Variants in ZGRF1 observed in about 807,000 individuals in gnomAD.
ZGRF1 encodes zinc finger GRF-type containing 1.
In ZGRF1, 196 loss-of-function variants were observed where a neutral mutation model predicts 203.5. That is an observed-to-expected ratio of 0.96 (90% CI 0.86 to 1.08). ZGRF1 has a LOEUF of 1.08. Among genes scored for constraint, ZGRF1 ranks in the 50% least tolerant of loss-of-function variants. The pLI, the probability that ZGRF1 is intolerant of heterozygous loss-of-function variation, is 0.00. For missense variants in ZGRF1, 2,326 were observed against 2,416.3 expected, an observed-to-expected ratio of 0.96 and a Z score of 0.78; for synonymous variants, 809 against 841.3, an observed-to-expected ratio of 0.96 and a Z score of 0.66.
intron 22 of ZGRF1, among the ~76,000 whole-genome samples, chr4:112,551,237 T>C (rs1739895518): frequency 6.6e-6 from 1 of 152,238 alleles, no homozygotes; most frequent in Non-Finnish European, 1.5e-5. Flanking sequence ...CAATAGGCTA[T>C]ACTATGTAGC....
At chr4:112,591,929 A>T (rs1356420840) in intron 10 of ZGRF1, among the ~76,000 whole-genome samples, 1 of 152,142 alleles carries the variant, frequency 6.6e-6, no homozygotes, top group Non-Finnish European at 1.5e-5. Context: ...TATGAGGGAA[A>T]GATCATGCCT....
intron 10 of ZGRF1, among the ~76,000 whole-genome samples, chr4:112,601,719 A>C (rs1009474834): frequency 6.6e-6 from 1 of 151,726 alleles, no homozygotes; most frequent in East Asian, 2.0e-4. Flanking sequence ...CCTGGGTGAC[A>C]GAGTTAAGAC....
intron 18 of ZGRF1, among the ~76,000 whole-genome samples, chr4:112,561,911 CT>C (rs11385405): frequency 4.8e-4 from 52 of 108,172 alleles, no homozygotes; most frequent in African/African-American, 1.0e-3. Context: ...TTCCTTTTCT[CT>C]TTTTTTTTTT....
chr4:112,575,029 A>G (rs77880532), intron 16 of ZGRF1, among the ~76,000 whole-genome samples: 1 of 147,762 alleles, frequency 6.8e-6, no homozygotes. Context: ...CTGTCTCAGG[A>G]AAAAAAAAAA....
intron 19 of ZGRF1, among the ~76,000 whole-genome samples, chr4:112,558,547 T>C (rs947468242): frequency 1.3e-5 from 2 of 152,098 alleles, no homozygotes; most frequent in Non-Finnish European, 2.9e-5. Context: ...TTTGTATTTT[T>C]AGTAGAGCCA....
chr4:112,576,411 G>C (rs1745230467), intron 16 of ZGRF1, among the ~76,000 whole-genome samples: 1 of 152,162 alleles, frequency 6.6e-6, no homozygotes, highest in South Asian at 2.1e-4. Context: ...ACCAGCAACA[G>C]AACAAAGCTG....
chr4:112,583,814 A>T lies in ZGRF1; in HGVS notation c.4298+164T>A, dbSNP rs188449336. Among the ~76,000 whole-genome samples, 293 of 145,858 alleles carry T rather than the reference A, an allele frequency of 2.0e-3. 1 individual carries two copies. The highest frequency in any genetic ancestry group is 6.8e-3 in the African/African-American group (271 of 40,118). Reference sequence around the variant, plus strand: ...AGCAAGAGCTTGTAACTATATAATTAAAAAAAAAAAGACTTATTCCCATTT... The same window carrying T: ...AGCAAGAGCTTGTAACTATATAATTTAAAAAAAAAAGACTTATTCCCATTT... On this transcript the variant is annotated intron_variant, in intron 15 of 27. Coordinates refer to ENST00000505019, the MANE Select transcript of ZGRF1 (RefSeq NM_018392.5).
At chr4:112,632,035 A>G (rs1393592882) in intron 2 of ZGRF1, 25 bp from the exon 3 acceptor site, 1 of 1,192,230 alleles carries the variant, frequency 8.4e-7, no homozygotes. Flanking sequence ...TACAAAAGAA[A>G]TGGTTTCCAT....
At chr4:112,586,343 G>A in intron 13 of ZGRF1, 102 bp downstream of exon 13, 1 of 803,134 alleles carries the variant, frequency 1.2e-6, no homozygotes, top group Non-Finnish European at 1.8e-6. Flanking sequence ...GAAAAATAAG[G>A]TATTTAGTAT....
chr4:112,603,066 T>TA (rs997520031), intron 10 of ZGRF1, among the ~76,000 whole-genome samples: 8 of 151,400 alleles, frequency 5.3e-5, no homozygotes, highest in East Asian at 1.9e-4. Context: ...AAGGGAAATT[T>TA]AAAAAAAAAT....
intron 3 of ZGRF1, among the ~76,000 whole-genome samples, chr4:112,626,940 G>C (rs1194828599): frequency 1.3e-5 from 2 of 152,030 alleles, no homozygotes; most frequent in African/African-American, 4.8e-5. Flanking sequence ...TGAGTAGCTG[G>C]AATTACAAGC....
chr4:112,575,120 C>CATAGACA (rs1744906284), intron 16 of ZGRF1, among the ~76,000 whole-genome samples: 1 of 151,626 alleles, frequency 6.6e-6, no homozygotes, highest in South Asian at 2.1e-4. Context: ...TGCCAAATTA[C>CATAGACA]ATAGACAATA....
chr4:112,594,567 C>T (rs1329818584), intron 10 of ZGRF1, among the ~76,000 whole-genome samples: 1 of 151,934 alleles, frequency 6.6e-6, no homozygotes, highest in African/African-American at 2.4e-5. Context: ...ATTCTCCTGC[C>T]TCAGTCTCCC....
At chr4:112,560,711 TA>T (rs748921405) in intron 19 of ZGRF1, 21 bp downstream of exon 19, 3 of 1,538,980 alleles carry the variant, frequency 1.9e-6, no homozygotes, top group Non-Finnish European at 2.6e-6. Flanking sequence ...CAATTACAAT[TA>T]TTTTCTTTCT....
At position 112,558,298 on chromosome 4, in the gene ZGRF1, C is replaced by T; in HGVS notation, c.4972G>A (p.Ala1658Thr). The change falls in exon 20 of 28, where the codon GCA becomes ACA. Residue 1658 changes from alanine (A) to threonine (T), a missense_variant. Coordinates refer to ENST00000505019, the MANE Select transcript of ZGRF1 (RefSeq NM_018392.5). ...ACTGCCAGCAAGTAACTCTTTCCTG[C>T]TCCAAACACACCTAATTATTTTAAA... Reference protein sequence around the residue: ...PITIIHGVFGAGKSYLLAVVI... With the variant: ...PITIIHGVFGTGKSYLLAVVI... The T allele has an allele frequency of 6.5e-7, 1 of 1,547,294 alleles. No individual in the cohort carries two copies. Among genetic ancestry groups the T allele is most frequent in the Non-Finnish European group, 8.6e-7 (1 of 1,156,384 alleles).
At chr4:112,574,081 T>A (rs1467192917) in intron 16 of ZGRF1, among the ~76,000 whole-genome samples, 1 of 152,210 alleles carries the variant, frequency 6.6e-6, no homozygotes, top group Non-Finnish European at 1.5e-5. Context: ...TCTAAAGATG[T>A]GTGAAGTATG....
chr4:112,606,422 G>A (rs1750785557), intron 8 of ZGRF1, among the ~76,000 whole-genome samples: 1 of 152,164 alleles, frequency 6.6e-6, no homozygotes, highest in African/African-American at 2.4e-5. Flanking sequence ...AGCACTTTGG[G>A]AGGACGAGGC....
At chr4:112,561,912 T>TC (rs1491285314) in intron 18 of ZGRF1, among the ~76,000 whole-genome samples, 1 of 17,218 alleles carries the variant, frequency 5.8e-5, no homozygotes, top group Non-Finnish European at 1.2e-4. Flanking sequence ...TCCTTTTCTC[T>TC]TTTTTTTTTT....
intron 12 of ZGRF1, among the ~76,000 whole-genome samples, chr4:112,587,056 C>T (rs1747307806): frequency 6.6e-6 from 1 of 152,112 alleles, no homozygotes; most frequent in South Asian, 2.1e-4. Flanking sequence ...TGATAATTTA[C>T]CAGACACTGC....
Sources: gnomAD v4.1 joint callset for allele counts (sites outside exome capture counted in the v4.1 genomes callset) on GRCh38, gnomAD v4.1.1 for gene constraint, MANE v1.5 for transcripts, NCBI Gene and HGNC (gene_info 2026-07-23, HGNC 2026-07-21) for gene names.